Variants in ALLC observed in about 807,000 individuals in gnomAD.
ALLC encodes probable inactive allantoicase.
ALLC carries 40 observed loss-of-function variants against 45.0 expected under a neutral mutation model. The ratio of observed to expected loss-of-function variants is 0.89; its 90% CI spans 0.69 to 1.16. The LOEUF (loss-of-function observed/expected upper bound fraction) is 1.16. Ranked by LOEUF, ALLC falls within the 50% of genes most tolerant of loss-of-function variation. ALLC has a pLI of 0.00. For missense variants in ALLC, 488 were observed against 493.1 expected (o/e 0.99, Z 0.10); for synonymous variants, 176 against 178.1 (o/e 0.99, Z 0.09).
chr2:3,653,849 A>C (rs1418838003), upstream of ALLC, among the ~76,000 whole-genome samples: 1 of 152,102 alleles, frequency 6.6e-6, no homozygotes, highest in African/African-American at 2.4e-5. This position sits in a 1 kb window ranked among gnomAD's most constrained non-coding sequence, Gnocchi z 4.1. Context: ...CCTCAGTCTT[A>C]TTCTAAGCCT....
At chr2:3,668,996 C>T (rs1349349874) in intron 1 of ALLC, among the ~76,000 whole-genome samples, 1 of 152,190 alleles carries the variant, frequency 6.6e-6, no homozygotes, top group South Asian at 2.1e-4. Context: ...ACGCCCATCT[C>T]GCTTCACCTT....
intron 10 of ALLC, among the ~76,000 whole-genome samples, chr2:3,700,957 C>T (rs1191767008): frequency 1.3e-5 from 2 of 152,136 alleles, no homozygotes; most frequent in Non-Finnish European, 1.5e-5. Context: ...CCCACTGAGC[C>T]CACGATTCCT....
intron 1 of ALLC, among the ~76,000 whole-genome samples, chr2:3,668,566 CTTTTTTTT>C (rs1173613810): frequency 1.2e-3 from 85 of 71,886 alleles, no homozygotes; most frequent in African/African-American, 3.2e-3. Context: ...ATGTGTATGA[CTTTTTTTT>C]TTTTTTTTTT....
intron 6 of ALLC, among the ~76,000 whole-genome samples, chr2:3,682,741 G>T (rs1051532246): frequency 6.6e-6 from 1 of 152,158 alleles, no homozygotes; most frequent in South Asian, 2.1e-4. Flanking sequence ...TAGCCAGGAT[G>T]GTCTCGATCT....
intron 1 of ALLC, among the ~76,000 whole-genome samples, chr2:3,664,129 C>G (rs1666639230): frequency 1.3e-5 from 2 of 152,290 alleles, no homozygotes; most frequent in South Asian, 4.1e-4. Flanking sequence ...TCTTTTTTGC[C>G]TAAAGACAAA....
intron 1 of ALLC, among the ~76,000 whole-genome samples, chr2:3,665,555 CAT>C (rs1368471698): frequency 2.0e-5 from 3 of 152,170 alleles, no homozygotes; most frequent in African/African-American, 7.2e-5. Context: ...TGAGTGAGAA[CAT>C]GTGGTGTTTG....
chr2:3,666,670 CA>C (rs1166436515), intron 1 of ALLC, among the ~76,000 whole-genome samples: 1 of 152,256 alleles, frequency 6.6e-6, no homozygotes, highest in East Asian at 1.9e-4. Flanking sequence ...CCTTGATGAG[CA>C]CGCCGCGATG....
At chr2:3,645,972 GTGTT>G in the ALLC span, among the ~76,000 whole-genome samples, 1 of 152,152 alleles carries the variant, frequency 6.6e-6, no homozygotes, top group African/African-American at 2.4e-5. The surrounding 1 kb of genome is among the most constrained non-coding windows in gnomAD (Gnocchi z 4.3). Context: ...TCTATTCTGG[GTGTT>G]TGTACAGTGA....
chr2:3,660,036 T>TC (rs1202263024), intron 1 of ALLC, among the ~76,000 whole-genome samples: 1 of 152,072 alleles, frequency 6.6e-6, no homozygotes, highest in Non-Finnish European at 1.5e-5. Context: ...TGGATGTTTG[T>TC]CCCCCCAAAC....
the ALLC span, among the ~76,000 whole-genome samples, chr2:3,652,192 C>G: frequency 2.6e-5 from 4 of 152,256 alleles, no homozygotes; most frequent in African/African-American, 9.6e-5. Flanking sequence ...GCAAGGGCCC[C>G]TCGGCTGCCA....
intron 10 of ALLC, among the ~76,000 whole-genome samples, chr2:3,697,966 T>G (rs1438965644): frequency 6.9e-6 from 1 of 145,370 alleles, no homozygotes; most frequent in Non-Finnish European, 1.5e-5. Flanking sequence ...CGCCCGACCC[T>G]TATTTATTTA....
At chr2:3,669,789 G>A (rs1666817522) in intron 1 of ALLC, among the ~76,000 whole-genome samples, 1 of 152,222 alleles carries the variant, frequency 6.6e-6, no homozygotes, top group South Asian at 2.1e-4. Context: ...GGATGGGGCT[G>A]CTCCTCCCGG....
At chr2:3,681,282 A>C (rs1667171480) in intron 5 of ALLC, among the ~76,000 whole-genome samples, 1 of 152,186 alleles carries the variant, frequency 6.6e-6, no homozygotes, top group African/African-American at 2.4e-5. Flanking sequence ...ATCAATTCTA[A>C]GGATGCCACT....
At chr2:3,651,313 T>G in the ALLC span, among the ~76,000 whole-genome samples, 1,285 of 7,166 alleles carry the variant, frequency 0.18, 74 homozygotes, top group Admixed American at 0.21. Context: ...GGTGGGTGGG[T>G]GGGGGGGGTG....
intron 1 of ALLC, among the ~76,000 whole-genome samples, chr2:3,667,183 T>C (rs1372016577): frequency 6.6e-6 from 1 of 152,072 alleles, no homozygotes; most frequent in Non-Finnish European, 1.5e-5. Context: ...TAAAGGGAGG[T>C]TCCTGAGCCC....
At chr2:3,691,303 A>T (rs1667511341) in intron 7 of ALLC, among the ~76,000 whole-genome samples, 2 of 150,844 alleles carry the variant, frequency 1.3e-5, no homozygotes, top group Admixed American at 1.3e-4. Flanking sequence ...CCCAGGCTGG[A>T]GTCCAGTGGT....
intron 1 of ALLC, among the ~76,000 whole-genome samples, chr2:3,668,796 G>A (rs13004569): frequency 0.34 from 51,359 of 150,312 alleles, 8,833 homozygotes; most frequent in Non-Finnish European, 0.36. Flanking sequence ...GGGTGGTCTC[G>A]AACTCCTGAC....
At chr2:3,671,582 GTCCTCTGGCTC>G (rs1666870695) in intron 2 of ALLC, among the ~76,000 whole-genome samples, 1 of 150,306 alleles carries the variant, frequency 6.7e-6, no homozygotes, top group African/African-American at 2.5e-5. Flanking sequence ...TAGATGGGAG[GTCCTCTGGCTC>G]TAGTTAGATG....
chr2:3,657,440 C>T (rs565813324), upstream of ALLC, among the ~76,000 whole-genome samples: 10 of 152,300 alleles, frequency 6.6e-5, no homozygotes, highest in South Asian at 1.2e-3. Context: ...CCCCTGTGCG[C>T]GCCATCTGCT....
Sources: allele counts gnomAD v4.1 joint callset (sites outside exome capture counted in the v4.1 genomes callset), GRCh38; gene constraint gnomAD v4.1.1; non-coding constraint Gnocchi (gnomAD v3.1); transcripts MANE v1.5; gene names NCBI Gene and HGNC (gene_info 2026-07-23, HGNC 2026-07-21).